The following MTHFD1L variants were observed in gnomAD, a reference collection of about 807,000 sequenced individuals.
MTHFD1L encodes monofunctional C1-tetrahydrofolate synthase, mitochondrial.
In MTHFD1L, 81 loss-of-function variants were observed where a neutral mutation model predicts 119.5. The ratio of observed to expected loss-of-function variants is 0.68; its 90% CI spans 0.57 to 0.82. The LOEUF (loss-of-function observed/expected upper bound fraction) is 0.82, where lower values mean the gene tolerates loss of function less well. Among genes scored for constraint, MTHFD1L ranks in the 40% least tolerant of loss-of-function variants. The pLI is 0.00. For synonymous variants in MTHFD1L, 430 were observed against 475.2 expected, an observed-to-expected ratio of 0.90 and a Z score of 1.24; for missense variants, 1,125 against 1,253.4, an observed-to-expected ratio of 0.90 and a Z score of 1.55.
chr6:150,900,972 G>A (rs899103100), intron 7 of MTHFD1L, among the ~76,000 whole-genome samples: 24 of 151,270 alleles, frequency 1.6e-4, no homozygotes, highest in East Asian at 3.9e-4. Flanking sequence ...CCGGGATCGC[G>A]CCACTGCACT....
At chr6:151,059,866 G>A (rs920965908) in intron 26 of MTHFD1L, among the ~76,000 whole-genome samples, 2 of 152,264 alleles carry the variant, frequency 1.3e-5, no homozygotes, top group East Asian at 1.9e-4. Flanking sequence ...CTTTATTTAC[G>A]AGCGAGTTGA....
intron 7 of MTHFD1L, chr6:150,899,115 T>A: frequency 7.6e-6 from 3 of 396,002 alleles, no homozygotes; most frequent in Non-Finnish European, 1.0e-5. Flanking sequence ...TTTGATATTT[T>A]CTTCTCATAT....
At chr6:151,081,314 G>A (rs1279677048) in intron 26 of MTHFD1L, among the ~76,000 whole-genome samples, 2 of 152,062 alleles carry the variant, frequency 1.3e-5, no homozygotes, top group Non-Finnish European at 2.9e-5. Context: ...CTTTGCCACT[G>A]TCCCAAGAAA....
chr6:150,883,152 C>T (rs1205302720), intron 5 of MTHFD1L, among the ~76,000 whole-genome samples: 2 of 152,006 alleles, frequency 1.3e-5, no homozygotes, highest in African/African-American at 2.4e-5. Context: ...CCTGCCTCAG[C>T]CTCCTGAGTA....
chr6:151,035,679 C>T (rs1326630203), intron 25 of MTHFD1L, among the ~76,000 whole-genome samples: 10 of 151,686 alleles, frequency 6.6e-5, no homozygotes, highest in African/African-American at 1.5e-4. Context: ...TTTTTTTTTC[C>T]GTGAGTTTTT....
chr6:151,084,981 A>AT (rs1793617355), intron 26 of MTHFD1L, among the ~76,000 whole-genome samples: 1 of 117,954 alleles, frequency 8.5e-6, no homozygotes, highest in Non-Finnish European at 1.7e-5. Context: ...AAAAAAAAAA[A>AT]AAAATATATA....
At chr6:151,085,896 G>C (rs1006503731) in intron 26 of MTHFD1L, among the ~76,000 whole-genome samples, 1 of 151,768 alleles carries the variant, frequency 6.6e-6, no homozygotes, top group Non-Finnish European at 1.5e-5. Context: ...AGCAGGGACT[G>C]GGTCCTGGTC....
At chr6:150,952,432 T>C (rs1794992471) in intron 16 of MTHFD1L, among the ~76,000 whole-genome samples, 1 of 152,216 alleles carries the variant, frequency 6.6e-6, no homozygotes, top group Non-Finnish European at 1.5e-5. Flanking sequence ...ACAGTCAGGG[T>C]GCACGGTGGT....
At chr6:150,868,062 A>C (rs767858430) in intron 1 of MTHFD1L, among the ~76,000 whole-genome samples, 1 of 151,948 alleles carries the variant, frequency 6.6e-6, no homozygotes. Context: ...GGCCTCCCAA[A>C]GTGTTGGGAT....
At position 151,037,034 on chromosome 6, in the gene MTHFD1L, G is replaced by T; in HGVS notation, c.2764G>T (p.Gly922Cys). ...TCTATCTCACCAACCTGACAAAAAAGGTGTGCCAAGGGACTTCATCTTACC... is the reference window on the plus strand; with the variant it reads ...TCTATCTCACCAACCTGACAAAAAATGTGTGCCAAGGGACTTCATCTTACC... ...LSLSHQPDKK[G>C]VPRDFILPIS... Residue 922 changes from glycine (G) to cysteine (C), a missense_variant, in exon 26 of 28, where the codon GGT becomes TGT. Gly to Cys is a radical substitution (Grantham distance 159). This residue lies in a region of MTHFD1L where 61 missense variants were observed against 78.9 expected (regional missense o/e 0.77). Coordinates refer to ENST00000367321, the MANE Select transcript of MTHFD1L (RefSeq NM_015440.5). 1 of 1,611,976 alleles carries T rather than the reference G, an allele frequency of 6.2e-7. No individual in the cohort carries two copies. Among genetic ancestry groups the T allele is most frequent in the Non-Finnish European group, 8.5e-7 (1 of 1,179,850 alleles).
intron 11 of MTHFD1L, among the ~76,000 whole-genome samples, chr6:150,927,555 C>T (rs1451640065): frequency 6.7e-6 from 1 of 149,698 alleles, no homozygotes; most frequent in Non-Finnish European, 1.5e-5. Flanking sequence ...CTCCCGGGTT[C>T]AAGCGATTCT....
At chr6:151,026,809 T>C (rs1382797346) in intron 24 of MTHFD1L, among the ~76,000 whole-genome samples, 1 of 142,692 alleles carries the variant, frequency 7.0e-6, no homozygotes, top group East Asian at 2.1e-4. Flanking sequence ...ATTTTTCCTG[T>C]CCTTTCTATC....
At chr6:150,948,606 G>A (rs1230507312) in intron 15 of MTHFD1L, among the ~76,000 whole-genome samples, 1 of 151,330 alleles carries the variant, frequency 6.6e-6, no homozygotes, top group Non-Finnish European at 1.5e-5. Flanking sequence ...TTACGGGCAT[G>A]AGCCACCGCA....
chr6:150,985,779 C>T lies in MTHFD1L; in HGVS notation c.2125+13721C>T, dbSNP rs1475528234. Among the ~76,000 whole-genome samples the T allele has an allele frequency of 2.6e-5, 4 of 152,072 alleles. No individual in the cohort carries two copies. In the East Asian group the frequency reaches 7.7e-4, roughly 29 times the overall value. ...TTGTTACCTGGGAGAGAGCAGGAAGCACTGGGAAATAGCACGTCACTGGTG... is the reference window on the plus strand; with the variant it reads ...TTGTTACCTGGGAGAGAGCAGGAAGTACTGGGAAATAGCACGTCACTGGTG... On this transcript the variant is annotated intron_variant, in intron 20 of 27. Transcript: ENST00000367321.
At chr6:150,905,609 C>A in intron 7 of MTHFD1L, 41 bp from the exon 8 acceptor site, 1 of 1,440,632 alleles carries the variant, frequency 6.9e-7, no homozygotes, top group Non-Finnish European at 9.8e-7. Context: ...GTCTTTATGC[C>A]TCAGATCAAG....
intron 26 of MTHFD1L, among the ~76,000 whole-genome samples, chr6:151,068,737 C>G (rs146860209): frequency 1.3e-5 from 2 of 152,262 alleles, no homozygotes; most frequent in African/African-American, 4.8e-5. Flanking sequence ...GACAGTTAAA[C>G]TTGAGAGTAT....
chr6:150,949,827 ACT>A (rs1794590258), intron 16 of MTHFD1L, among the ~76,000 whole-genome samples: 1 of 151,898 alleles, frequency 6.6e-6, no homozygotes, highest in African/African-American at 2.4e-5. Context: ...CCTGCCACTG[ACT>A]CACTGCATGA....
intron 20 of MTHFD1L, among the ~76,000 whole-genome samples, chr6:151,002,993 T>C (rs879647694): frequency 2.0e-5 from 3 of 152,142 alleles, no homozygotes; most frequent in Non-Finnish European, 4.4e-5. Context: ...CAGGCATTGC[T>C]AAGTGTCCAG....
chr6:150,890,917 A>G (rs1783146520), intron 7 of MTHFD1L, among the ~76,000 whole-genome samples: 1 of 152,246 alleles, frequency 6.6e-6, no homozygotes, highest in Admixed American at 6.5e-5. Flanking sequence ...TCATAAAACA[A>G]TGATATACAA....
Sources: gnomAD v4.1 joint callset for allele counts (sites outside exome capture counted in the v4.1 genomes callset) on GRCh38, gnomAD v4.1.1 for gene constraint, gnomAD v4.1.1 regional missense constraint, MANE v1.5 for transcripts, NCBI Gene and HGNC (gene_info 2026-07-23, HGNC 2026-07-21) for gene names.